Variants in SLC22A3 observed in about 807,000 individuals in gnomAD.
SLC22A3 encodes solute carrier family 22 member 3.
SLC22A3 carries 51 observed loss-of-function variants against 59.1 expected under a neutral mutation model. That is an observed-to-expected ratio of 0.86 (90% CI 0.69 to 1.09). SLC22A3 has a LOEUF of 1.09. Ranked by LOEUF, SLC22A3 falls within the 50% of genes least tolerant of loss-of-function variation. The pLI, the probability that SLC22A3 is intolerant of heterozygous loss-of-function variation, is 0.00. For synonymous variants in SLC22A3, 325 were observed against 292.0 expected, an observed-to-expected ratio of 1.11 and a Z score of -1.15; for missense variants, 711 against 726.3, an observed-to-expected ratio of 0.98 and a Z score of 0.24.
At chr6:160,386,429 G>A (rs1213619929) in intron 1 of SLC22A3, among the ~76,000 whole-genome samples, 2 of 152,238 alleles carry the variant, frequency 1.3e-5, no homozygotes, top group African/African-American at 4.8e-5. Flanking sequence ...CTTTGAGTGA[G>A]ATTATCTTTA....
chr6:160,449,180 T>A (rs1788857689), intron 10 of SLC22A3, among the ~76,000 whole-genome samples: 1 of 152,200 alleles, frequency 6.6e-6, no homozygotes, highest in Non-Finnish European at 1.5e-5. Flanking sequence ...ACTGCTTCAG[T>A]AACATTAAAA....
intron 9 of SLC22A3, 77 bp downstream of exon 9, chr6:160,443,819 G>T (rs1329938359): frequency 5.8e-6 from 4 of 690,150 alleles, no homozygotes; most frequent in East Asian, 2.6e-5. Flanking sequence ...TAATTGTTAG[G>T]TTCAATAATG....
At chr6:160,360,065 G>T (rs1318580082) in intron 1 of SLC22A3, among the ~76,000 whole-genome samples, 4 of 152,006 alleles carry the variant, frequency 2.6e-5, no homozygotes, top group Non-Finnish European at 2.9e-5. Flanking sequence ...TTATTTGATA[G>T]CATGCTATAC....
intron 1 of SLC22A3, among the ~76,000 whole-genome samples, chr6:160,395,979 C>T (rs796335430): frequency 2.6e-5 from 4 of 152,310 alleles, no homozygotes; most frequent in African/African-American, 9.6e-5. Context: ...CTGGGGTAAG[C>T]ATACCACTTG....
chr6:160,452,384 C>T lies in SLC22A3; in HGVS notation c.*1328C>T, dbSNP rs1425142051. On this transcript the variant is annotated 3_prime_UTR_variant, in exon 11 of 11. Coordinates refer to ENST00000275300, the MANE Select transcript of SLC22A3 (RefSeq NM_021977.4). ...CTTTAAAACACATCAGAATTGAATA[C>T]GAATAATCTATTTGTCGATGAAATA... 2 of 152,144 alleles carry T rather than the reference C, an allele frequency of 1.3e-5. No individual in the cohort carries two copies. The highest frequency in any genetic ancestry group is 2.9e-5 in the Non-Finnish European group (2 of 68,022). The allele number at this position is 152,144 out of a possible 1,614,324, so 9.4% of individuals were successfully genotyped here.
At chr6:160,416,126 T>C in intron 5 of SLC22A3, among the ~76,000 whole-genome samples, 1 of 152,210 alleles carries the variant, frequency 6.6e-6, no homozygotes, top group East Asian at 1.9e-4. Flanking sequence ...TTCCTAGGCT[T>C]CCATTTGCCA....
chr6:160,360,415 G>A lies in SLC22A3; in HGVS notation c.429+11567G>A, dbSNP rs1393268532. Among the ~76,000 whole-genome samples, 6 of 152,078 alleles carry A rather than the reference G, an allele frequency of 3.9e-5. No homozygotes were observed. In the South Asian group the frequency reaches 8.3e-4, roughly 21 times the overall value. ...GGAGGTTGCAGTGAGCCAAAATCAC[G>A]CCATTGCACTTCAGCCTGGGCAACA... On this transcript the variant is annotated intron_variant, in intron 1 of 10. Coordinates refer to ENST00000275300, the MANE Select transcript of SLC22A3 (RefSeq NM_021977.4).
chr6:160,390,647 G>T (rs1786218487), intron 1 of SLC22A3, among the ~76,000 whole-genome samples: 1 of 152,184 alleles, frequency 6.6e-6, no homozygotes, highest in Non-Finnish European at 1.5e-5. Flanking sequence ...ATGCAGCTGT[G>T]TGGACCAGGA....
chr6:160,388,080 G>A (rs1442175793), intron 1 of SLC22A3, among the ~76,000 whole-genome samples: 7 of 152,156 alleles, frequency 4.6e-5, no homozygotes, highest in Non-Finnish European at 1.0e-4. Flanking sequence ...TTGCGTGGGA[G>A]ACACTAACAG....
chr6:160,360,348 C>T (rs1193884408), intron 1 of SLC22A3, among the ~76,000 whole-genome samples: 1 of 152,236 alleles, frequency 6.6e-6, no homozygotes, highest in East Asian at 1.9e-4. Flanking sequence ...ATCCCAGCTA[C>T]CTGGGAGGCT....
chr6:160,394,019 A>G (rs1223498507), intron 1 of SLC22A3, among the ~76,000 whole-genome samples: 5 of 152,278 alleles, frequency 3.3e-5, no homozygotes, highest in Non-Finnish European at 7.3e-5. Flanking sequence ...CTTTCTGCTC[A>G]TGCCAAAAGG....
At chr6:160,436,730 G>GTTT (rs34999803) in intron 5 of SLC22A3, 50 bp from the exon 6 acceptor site, 15 of 1,017,274 alleles carry the variant, frequency 1.5e-5, no homozygotes, top group Non-Finnish European at 1.8e-5. Flanking sequence ...TACTATGCAG[G>GTTT]TTTTTTTTTT....
chr6:160,395,785 T>C (rs1786446842), intron 1 of SLC22A3, among the ~76,000 whole-genome samples: 1 of 152,220 alleles, frequency 6.6e-6, no homozygotes, highest in South Asian at 2.1e-4. Context: ...CCAAATTTTT[T>C]CCAACTATGT....
intron 1 of SLC22A3, among the ~76,000 whole-genome samples, chr6:160,392,308 C>A (rs1022318293): frequency 6.6e-6 from 1 of 152,158 alleles, no homozygotes; most frequent in African/African-American, 2.4e-5. Flanking sequence ...ATTGTGGGAC[C>A]TTCTCTGGTC....
chr6:160,355,555 A>G (rs1187474610), intron 1 of SLC22A3, among the ~76,000 whole-genome samples: 1 of 151,638 alleles, frequency 6.6e-6, no homozygotes, highest in African/African-American at 2.4e-5. Flanking sequence ...AGGTCAGGAG[A>G]TCGAGACCAT....
chr6:160,417,697 C>T (rs1157429033), intron 5 of SLC22A3, among the ~76,000 whole-genome samples: 4 of 152,096 alleles, frequency 2.6e-5, no homozygotes. Context: ...GACTTCCTGC[C>T]CTTTGATGTT....
intron 1 of SLC22A3, among the ~76,000 whole-genome samples, chr6:160,362,670 G>T (rs1032597332): frequency 2.0e-5 from 3 of 152,242 alleles, no homozygotes; most frequent in African/African-American, 7.2e-5. Context: ...CCCAGCGGGT[G>T]GGGGCGGGCC....
intron 7 of SLC22A3, among the ~76,000 whole-genome samples, chr6:160,442,522 T>C (rs941525958): frequency 1.3e-5 from 2 of 152,214 alleles, no homozygotes; most frequent in Non-Finnish European, 2.9e-5. Context: ...GGTTCTTGAA[T>C]TGTACTTCCT....
intron 5 of SLC22A3, among the ~76,000 whole-genome samples, chr6:160,421,500 C>A (rs1189519663): frequency 2.6e-5 from 4 of 152,164 alleles, no homozygotes; most frequent in Admixed American, 6.5e-5. Context: ...CTTCCCCTTG[C>A]CCTTTAGGAG....
Sources: allele counts gnomAD v4.1 joint callset (sites outside exome capture counted in the v4.1 genomes callset), GRCh38; gene constraint gnomAD v4.1.1; transcripts MANE v1.5; gene names NCBI Gene and HGNC (gene_info 2026-07-23, HGNC 2026-07-21).